BTBD9: variants seen among roughly 807,000 people sequenced by gnomAD.
The protein encoded by BTBD9 is BTB/POZ domain-containing protein 9.
A neutral mutation model predicts 64.3 loss-of-function variants in BTBD9; 49 were observed. The observed-to-expected ratio is 0.76, with a 90% CI of 0.61 to 0.97. BTBD9 has a LOEUF of 0.97. BTBD9 is among the 50% of genes least tolerant of loss of function. BTBD9 has a pLI of 0.00. For synonymous variants in BTBD9, 260 were observed against 274.7 expected, an observed-to-expected ratio of 0.95 and a Z score of 0.53; for missense variants, 598 against 762.1, an observed-to-expected ratio of 0.78 and a Z score of 2.53.
chr6:38,331,396 T>G (rs904102524), intron 7 of BTBD9, among the ~76,000 whole-genome samples: 6 of 152,066 alleles, frequency 3.9e-5, no homozygotes, highest in Non-Finnish European at 7.4e-5. Context: ...TAAGAATCAC[T>G]TGAACCCAGG....
At chr6:38,427,472 G>C (rs1287392409) in intron 6 of BTBD9, among the ~76,000 whole-genome samples, 1 of 152,062 alleles carries the variant, frequency 6.6e-6, no homozygotes, top group African/African-American at 2.4e-5. Context: ...AGAAAAGTAC[G>C]CACCAGGGAG....
chr6:38,192,087 C>T (rs535827821), intron 10 of BTBD9, among the ~76,000 whole-genome samples: 21 of 152,334 alleles, frequency 1.4e-4, no homozygotes, highest in Admixed American at 3.9e-4. Flanking sequence ...AGAGGTTCCT[C>T]GGAGGCACAC....
chr6:38,465,707 T>TATATATA (rs1491184653), intron 6 of BTBD9, among the ~76,000 whole-genome samples: 1 of 46,862 alleles, frequency 2.1e-5, no homozygotes, highest in African/African-American at 9.5e-5. Flanking sequence ...AATAAATAAA[T>TATATATA]TATATATATA....
In BTBD9 at chr6:38,345,045, G is replaced by A. The variant is rs1293798504; in HGVS notation, c.1203C>T (p.His401=). Residue 401 remains histidine, a synonymous_variant, in exon 7 of 11, where the codon CAC becomes CAT. Transcript: ENST00000481247. ...GTHNTVNKIF[H]IVAFECMFTN... is the part of the protein sequence containing the mutation. ...TAAACATACATTCAAAAGCCACAAT[G>A]TGAAAAATCTTGTTCACTGTGTTGT... 2 of 1,609,416 alleles carry A rather than the reference G, an allele frequency of 1.2e-6. No individual in the cohort carries two copies. Among genetic ancestry groups the A allele is most frequent in the Admixed American group, 3.3e-5 (2 of 59,982 alleles).
chr6:38,514,398 C>CA (rs1357724079), intron 6 of BTBD9, among the ~76,000 whole-genome samples: 2 of 152,148 alleles, frequency 1.3e-5, no homozygotes, highest in African/African-American at 4.8e-5. Flanking sequence ...CTGTAATTGT[C>CA]AATACCACTG....
chr6:38,181,221 T>G (rs1260883538), intron 10 of BTBD9, among the ~76,000 whole-genome samples: 4 of 152,270 alleles, frequency 2.6e-5, no homozygotes, highest in Non-Finnish European at 5.9e-5. Flanking sequence ...ATTTAATAAA[T>G]GTTGATCAAT....
At chr6:38,300,575 A>G (rs1010884753) in intron 7 of BTBD9, among the ~76,000 whole-genome samples, 2 of 151,982 alleles carry the variant, frequency 1.3e-5, no homozygotes, top group Non-Finnish European at 2.9e-5. Context: ...GGTCCTTCAC[A>G]TCCCTTGTAA....
intron 6 of BTBD9, among the ~76,000 whole-genome samples, chr6:38,473,743 A>T (rs1296736728): frequency 6.6e-6 from 1 of 152,240 alleles, no homozygotes; most frequent in African/African-American, 2.4e-5. Context: ...TAGAGAAGAC[A>T]TACATTAAAT....
intron 6 of BTBD9, among the ~76,000 whole-genome samples, chr6:38,421,321 A>C (rs1317643340): frequency 6.6e-6 from 1 of 152,186 alleles, no homozygotes; most frequent in Non-Finnish European, 1.5e-5. Flanking sequence ...GCACCACTGC[A>C]CTCCAGCCTG....
chr6:38,270,649 T>C (rs915111125), intron 8 of BTBD9, among the ~76,000 whole-genome samples: 1 of 152,100 alleles, frequency 6.6e-6, no homozygotes, highest in Non-Finnish European at 1.5e-5. Context: ...TACATATGAA[T>C]AGCCTGGGGG....
intron 7 of BTBD9, among the ~76,000 whole-genome samples, chr6:38,315,667 G>C (rs73422841): frequency 0.03 from 4,504 of 152,246 alleles, 212 homozygotes; most frequent in African/African-American, 0.1. Flanking sequence ...ATTGTGGTCA[G>C]AGAAGATATC....
At position 38,387,389 on chromosome 6, in the gene BTBD9, T is replaced by G. The variant is rs1336233176; in HGVS notation, c.1155-42296A>C. On this transcript the variant is annotated intron_variant, in intron 6 of 10. Coordinates refer to ENST00000481247, the MANE Select transcript of BTBD9 (RefSeq NM_001099272.2). Reference sequence around the variant, plus strand: ...CCGTCTCTACTAAAAATACAAAAATTAGCCGGGTGTAGTGGCACATGCCTG... The same window carrying G: ...CCGTCTCTACTAAAAATACAAAAATGAGCCGGGTGTAGTGGCACATGCCTG... Among the ~76,000 whole-genome samples the G allele has an allele frequency of 2.0e-5, 3 of 151,982 alleles. No homozygotes were observed. In the East Asian group the frequency reaches 5.8e-4, roughly 29 times the overall value.
rs149041069 is a variant in BTBD9 at position 38,286,848 on chromosome 6, G to A, written c.1454+1424C>T. Among the ~76,000 whole-genome samples, 817 of 152,028 alleles carry A rather than the reference G, an allele frequency of 5.4e-3. 5 individuals carry two copies. Among genetic ancestry groups the A allele is most frequent in the African/African-American group, 0.018 (759 of 41,478 alleles). ...TGTAATCCCAGCACTTTGGGAGGCC[G>A]AGGCGGGCTGATCACTTGAGGTCAG... On this transcript the variant is annotated intron_variant, in intron 8 of 10. Coordinates refer to ENST00000481247, the MANE Select transcript of BTBD9 (RefSeq NM_001099272.2).
chr6:38,395,778 C>T (rs1766641397), intron 6 of BTBD9, among the ~76,000 whole-genome samples: 1 of 150,668 alleles, frequency 6.6e-6, no homozygotes, highest in Admixed American at 6.6e-5. Context: ...GGTGTGATCT[C>T]GGCTCACTGC....
chr6:38,265,328 ATTAT>A lies in BTBD9; in HGVS notation c.1455-8816_1455-8813del, dbSNP rs938505809. Among the ~76,000 whole-genome samples the A allele has an allele frequency of 4.6e-5, 7 of 152,092 alleles. No homozygotes were observed. The South Asian group carries it at 6.2e-4, about 14-fold the overall frequency. On this transcript the variant is annotated intron_variant, in intron 8 of 10. Transcript: ENST00000481247. ...GAAATCTTATATTTGATATAGTATA[ATTAT>A]TTATTTATTTATTTAAAGCCCACAT...
intron 7 of BTBD9, among the ~76,000 whole-genome samples, chr6:38,319,460 C>G (rs1763151819): frequency 1.3e-5 from 2 of 152,034 alleles, no homozygotes; most frequent in East Asian, 3.9e-4. Context: ...ACTTGGTTAC[C>G]ACTGCTGATT....
chr6:38,439,211 C>A (rs1387991892), intron 6 of BTBD9, among the ~76,000 whole-genome samples: 1 of 150,738 alleles, frequency 6.6e-6, no homozygotes, highest in Non-Finnish European at 1.5e-5. Flanking sequence ...GCAACCTCCA[C>A]CTCCCAGGTT....
intron 10 of BTBD9, among the ~76,000 whole-genome samples, chr6:38,189,646 G>A (rs562811327): frequency 5.3e-5 from 8 of 150,902 alleles, no homozygotes; most frequent in African/African-American, 1.5e-4. Context: ...GCACACCACC[G>A]TGTCTGCTAA....
intron 6 of BTBD9, among the ~76,000 whole-genome samples, chr6:38,398,522 A>G (rs2127630522): frequency 6.6e-6 from 1 of 152,296 alleles, no homozygotes; most frequent in South Asian, 2.1e-4. Flanking sequence ...AAGAAACAAT[A>G]CAAGTCACAG....
Sources: gnomAD v4.1 joint callset for allele counts (sites outside exome capture counted in the v4.1 genomes callset) on GRCh38, gnomAD v4.1.1 for gene constraint, MANE v1.5 for transcripts, NCBI Gene and HGNC (gene_info 2026-07-23, HGNC 2026-07-21) for gene names.